Variants in TMTC2 observed in about 807,000 individuals in gnomAD.
TMTC2 encodes the protein transmembrane O-mannosyltransferase targeting cadherins 2, also known as protein O-mannosyl-transferase TMTC2.
In TMTC2, 43 loss-of-function variants were observed where a neutral mutation model predicts 82.4. That is an observed-to-expected ratio of 0.52 (90% CI 0.41 to 0.67). TMTC2 has a LOEUF of 0.67. Ranked by LOEUF, TMTC2 falls within the 30% of genes least tolerant of loss-of-function variation. TMTC2 has a pLI of 0.00. For missense variants in TMTC2, 919 were observed against 1,012.4 expected (o/e 0.91, Z 1.25); for synonymous variants, 408 against 381.9 (o/e 1.07, Z -0.80).
intron 9 of TMTC2, among the ~76,000 whole-genome samples, chr12:83,038,126 G>A (rs1180670119): frequency 2.3e-5 from 3 of 131,286 alleles, no homozygotes; most frequent in African/African-American, 8.7e-5. Flanking sequence ...ATCACACACC[G>A]GGACCTGCTG....
At chr12:82,971,983 G>A (rs1220750669) in intron 7 of TMTC2, among the ~76,000 whole-genome samples, 2 of 152,022 alleles carry the variant, frequency 1.3e-5, no homozygotes, top group Non-Finnish European at 2.9e-5. Flanking sequence ...TAAATAAAAT[G>A]GAATACTATT....
At chr12:82,940,802 G>T (rs1001320747) in intron 4 of TMTC2, among the ~76,000 whole-genome samples, 1 of 151,636 alleles carries the variant, frequency 6.6e-6, no homozygotes, top group Middle Eastern at 3.4e-3. Flanking sequence ...GAGGTTTCTG[G>T]ATACCTCTCC....
intron 11 of TMTC2, among the ~76,000 whole-genome samples, chr12:83,128,028 C>A (rs1015085873): frequency 1.3e-5 from 2 of 152,118 alleles, no homozygotes; most frequent in Non-Finnish European, 2.9e-5. Flanking sequence ...CCTTTCTAGC[C>A]TGTGAAGTAG....
intron 1 of TMTC2, among the ~76,000 whole-genome samples, chr12:82,746,504 C>G (rs971566619): frequency 6.6e-6 from 1 of 152,132 alleles, no homozygotes; most frequent in Non-Finnish European, 1.5e-5. Context: ...TTGTGAGGGA[C>G]ATACACCCAC....
At chr12:83,035,685 G>A (rs1881635238) in intron 9 of TMTC2, among the ~76,000 whole-genome samples, 3 of 152,074 alleles carry the variant, frequency 2.0e-5, no homozygotes, top group African/African-American at 7.2e-5. Context: ...AATCTCAAAG[G>A]TGAGGATTTG....
At chr12:82,843,276 G>A (rs1409385437) in intron 1 of TMTC2, among the ~76,000 whole-genome samples, 1 of 151,878 alleles carries the variant, frequency 6.6e-6, no homozygotes, top group Non-Finnish European at 1.5e-5. Context: ...TAGTAGAGAC[G>A]GGGTTTCACC....
rs1433756499 is a variant in TMTC2, at chr12:82,756,721, A to G, written c.83+69052A>G. Reference sequence around the variant, plus strand: ...TTGTGGATTTTGATAGTATTTATTTATTTATTTTGGCCTAGCAGCATTTAC... The same window carrying G: ...TTGTGGATTTTGATAGTATTTATTTGTTTATTTTGGCCTAGCAGCATTTAC... On this transcript the variant is annotated intron_variant, in intron 1 of 11. Transcript: ENST00000321196. 5.9e-5 allele frequency among the ~76,000 whole-genome samples: 9 copies of G among 152,268 alleles called. 2 individuals carry two copies. In the Middle Eastern group the frequency reaches 0.031, roughly 518 times the overall value.
chr12:83,070,072 G>C (rs556780934), intron 11 of TMTC2, among the ~76,000 whole-genome samples: 3 of 152,252 alleles, frequency 2.0e-5, no homozygotes, highest in African/African-American at 7.2e-5. Context: ...GTACCAGGCT[G>C]TTTTGGTGTC....
At chr12:82,902,768 G>A (rs1222594598) in intron 3 of TMTC2, among the ~76,000 whole-genome samples, 1 of 152,072 alleles carries the variant, frequency 6.6e-6, no homozygotes, top group African/African-American at 2.4e-5. Context: ...TACTATGCTC[G>A]CTTCTTGGGT....
chr12:82,878,858 C>T (rs1872696569), intron 2 of TMTC2, among the ~76,000 whole-genome samples: 1 of 152,032 alleles, frequency 6.6e-6, no homozygotes, highest in Admixed American at 6.6e-5. Context: ...GGTAACATAG[C>T]AAGGCCCTGT....
chr12:83,069,877 A>T (rs890809174), intron 11 of TMTC2, among the ~76,000 whole-genome samples: 1 of 151,966 alleles, frequency 6.6e-6, no homozygotes, highest in Non-Finnish European at 1.5e-5. Flanking sequence ...AAGGTGAGAG[A>T]TAAGGATCCA....
At chr12:82,839,927 T>G (rs772095018) in intron 1 of TMTC2, among the ~76,000 whole-genome samples, 32 of 152,202 alleles carry the variant, frequency 2.1e-4, no homozygotes, top group Non-Finnish European at 4.4e-4. Flanking sequence ...AGATTGGCTA[T>G]TGGGCTTAAT....
intron 8 of TMTC2, among the ~76,000 whole-genome samples, chr12:83,027,386 A>G (rs1881226128): frequency 6.6e-6 from 1 of 152,206 alleles, no homozygotes. Context: ...AATTTTATTT[A>G]CAGCAAGTCA....
At chr12:82,795,096 G>A (rs1180338653) in intron 1 of TMTC2, among the ~76,000 whole-genome samples, 1 of 152,008 alleles carries the variant, frequency 6.6e-6, no homozygotes, top group African/African-American at 2.4e-5. Flanking sequence ...CTTGAGGTCA[G>A]GAGTTCGAGA....
intron 2 of TMTC2, among the ~76,000 whole-genome samples, chr12:82,864,058 G>GGA (rs2137124926): frequency 6.6e-6 from 1 of 152,158 alleles, no homozygotes; most frequent in African/African-American, 2.4e-5. Flanking sequence ...GGAGAGGTGA[G>GGA]GAAGAGTAAA....
At chr12:83,014,284 T>C (rs2137391887) in intron 8 of TMTC2, among the ~76,000 whole-genome samples, 1 of 152,264 alleles carries the variant, frequency 6.6e-6, no homozygotes, top group East Asian at 1.9e-4. Context: ...CACTCCAGCC[T>C]CCTGAGTAGC....
At chr12:83,108,178 A>G (rs1176158506) in intron 11 of TMTC2, among the ~76,000 whole-genome samples, 1 of 152,176 alleles carries the variant, frequency 6.6e-6, no homozygotes, top group Non-Finnish European at 1.5e-5. Flanking sequence ...TCAGTTCTTT[A>G]TAGCAATGGG....
At chr12:82,964,845 T>C (rs1208822084) in intron 4 of TMTC2, among the ~76,000 whole-genome samples, 179 bp from the exon 5 acceptor site, 4 of 152,148 alleles carry the variant, frequency 2.6e-5, no homozygotes, top group Admixed American at 2.0e-4. Context: ...CGGATACCTA[T>C]CCAGTATTTT....
intron 1 of TMTC2, among the ~76,000 whole-genome samples, chr12:82,700,757 G>GT (rs1331310493): frequency 6.6e-6 from 1 of 152,090 alleles, no homozygotes; most frequent in African/African-American, 2.4e-5. Context: ...AGATGATATA[G>GT]TATCTAGGAG....
Sources: allele counts gnomAD v4.1 joint callset (sites outside exome capture counted in the v4.1 genomes callset), GRCh38; gene constraint gnomAD v4.1.1; transcripts MANE v1.5; gene names NCBI Gene and HGNC (gene_info 2026-07-23, HGNC 2026-07-21).